Variants in AFG3L2 observed in about 807,000 individuals in gnomAD.
AFG3L2 encodes mitochondrial inner membrane m-AAA protease component AFG3L2.
A neutral mutation model predicts 94.5 loss-of-function variants in AFG3L2; 54 were observed. That is an observed-to-expected ratio of 0.57 (90% CI 0.46 to 0.72). The LOEUF (loss-of-function observed/expected upper bound fraction) is 0.72. AFG3L2 is among the 30% of genes least tolerant of loss of function. The probability of loss-of-function intolerance (pLI) is 0.00; values close to 1 mark genes in which losing one functional copy is unlikely to be tolerated. For missense variants in AFG3L2, 754 were observed against 994.9 expected, an observed-to-expected ratio of 0.76 and a Z score of 3.26; for synonymous variants, 377 against 365.5, an observed-to-expected ratio of 1.03 and a Z score of -0.36.
intron 6 of AFG3L2, 166 bp from the exon 7 acceptor site, chr18:12,360,217 T>C (rs1908617645): frequency 1.5e-6 from 1 of 679,716 alleles, no homozygotes; most frequent in Non-Finnish European, 2.4e-6. Context: ...TGATTAAATG[T>C]CACTCATTGA....
intron 6 of AFG3L2, among the ~76,000 whole-genome samples, chr18:12,361,107 T>C (rs1298507405): frequency 6.6e-6 from 1 of 152,194 alleles, no homozygotes; most frequent in South Asian, 2.1e-4. Context: ...CTGGGCACAG[T>C]GGCCAGTAAT....
At chr18:12,371,185 G>A (rs1043993220) in intron 2 of AFG3L2, among the ~76,000 whole-genome samples, 21 of 151,964 alleles carry the variant, frequency 1.4e-4, no homozygotes, top group Non-Finnish European at 2.5e-4. Flanking sequence ...GTGGTGGCAG[G>A]TGCCTGTAAT....
intron 6 of AFG3L2, among the ~76,000 whole-genome samples, chr18:12,363,230 C>T (rs989241177): frequency 1.3e-5 from 2 of 152,120 alleles, no homozygotes; most frequent in Non-Finnish European, 2.9e-5. Context: ...CACCTCTCTC[C>T]CCTCCCCTCC....
At chr18:12,372,329 T>C (rs1229443339) in intron 1 of AFG3L2, among the ~76,000 whole-genome samples, 1 of 152,094 alleles carries the variant, frequency 6.6e-6, no homozygotes. Context: ...AAATAATAGT[T>C]ATAAAAATTA....
chr18:12,375,170 C>T (rs1037756158), intron 1 of AFG3L2, among the ~76,000 whole-genome samples: 8 of 151,254 alleles, frequency 5.3e-5, no homozygotes, highest in African/African-American at 9.7e-5. Context: ...GTGACCATGG[C>T]GAAGAAATTG....
intron 13 of AFG3L2, among the ~76,000 whole-genome samples, chr18:12,344,917 C>T (rs776344800): frequency 2.9e-4 from 44 of 152,272 alleles, no homozygotes; most frequent in Non-Finnish European, 5.4e-4. Flanking sequence ...TTTTAAAACA[C>T]GCAAAATTAC....
chr18:12,377,218 C>G lies in AFG3L2; in HGVS notation c.-136G>C, dbSNP rs1428976226. On this transcript the variant is annotated 5_prime_UTR_variant, in exon 1 of 17. Coordinates refer to ENST00000269143, the MANE Select transcript of AFG3L2 (RefSeq NM_006796.3). ...GCGCGCCGGCGGCTCACGGAGGAGC[C>G]CAAGCTCTCAACGCGGCGTCTCCTG... 1.4e-6 allele frequency: 1 copy of G among 694,920 alleles called. No homozygotes were observed. Among genetic ancestry groups the G allele is most frequent in the East Asian group, 4.2e-5 (1 of 23,638 alleles). 43.0% of individuals were successfully genotyped at this position (694,920 alleles called of 1,614,324 possible).
intron 16 of AFG3L2, among the ~76,000 whole-genome samples, chr18:12,333,791 AC>A (rs1290000663): frequency 6.6e-6 from 1 of 152,176 alleles, no homozygotes; most frequent in Admixed American, 6.5e-5. Context: ...CACAGCGGCC[AC>A]CAAGTGCTCG....
At chr18:12,373,352 G>A (rs1040639383) in intron 1 of AFG3L2, among the ~76,000 whole-genome samples, 4 of 152,208 alleles carry the variant, frequency 2.6e-5, no homozygotes. Context: ...TCCAGGCCAG[G>A]TGCTGTCAAG....
chr18:12,344,060 G>T, intron 14 of AFG3L2, 72 bp downstream of exon 14: 2 of 1,318,496 alleles, frequency 1.5e-6, no homozygotes, highest in Non-Finnish European at 2.2e-6. Flanking sequence ...AGTGTAGCTT[G>T]CTTCTTGAGT....
intron 3 of AFG3L2, among the ~76,000 whole-genome samples, chr18:12,368,972 G>A (rs1472812209): frequency 6.6e-6 from 1 of 152,042 alleles, no homozygotes; most frequent in African/African-American, 2.4e-5. Flanking sequence ...GAGGCTACAG[G>A]CACCCGGTCA....
At chr18:12,372,762 A>T (rs181301940) in intron 1 of AFG3L2, among the ~76,000 whole-genome samples, 6 of 152,394 alleles carry the variant, frequency 3.9e-5, no homozygotes, top group Admixed American at 1.3e-4. Context: ...CATCATATTA[A>T]GTGAAAGAAG....
chr18:12,354,140 C>G lies in AFG3L2; in HGVS notation c.1165-982G>C, dbSNP rs995078533. Among the ~76,000 whole-genome samples the G allele has an allele frequency of 1.8e-3, 244 of 136,708 alleles. 8 individuals carry two copies. Among genetic ancestry groups the G allele is most frequent in the Middle Eastern group, 7.2e-3 (2 of 276 alleles). The allele number at this position is 136,708 out of a possible 152,430, so 89.7% of individuals were successfully genotyped here. On this transcript the variant is annotated intron_variant, in intron 9 of 16. Coordinates refer to ENST00000269143, the MANE Select transcript of AFG3L2 (RefSeq NM_006796.3). ...TCCACCTGCCCACTCCCACCCCCCC[C>G]CCCCCACTTCACTGGACAGAAGTCC...
intron 6 of AFG3L2, among the ~76,000 whole-genome samples, chr18:12,361,688 G>C (rs1449419759): frequency 6.6e-6 from 1 of 152,134 alleles, no homozygotes; most frequent in Non-Finnish European, 1.5e-5. Flanking sequence ...AGAGCAACAA[G>C]TCATCGCATA....
chr18:12,342,686 T>C (rs1907992271), intron 14 of AFG3L2: 2 of 152,218 alleles, frequency 1.3e-5, no homozygotes, highest in African/African-American at 4.8e-5. Flanking sequence ...TTATGACCTG[T>C]TTCAAATAAT....
At chr18:12,335,323 C>G (rs1397696386) in intron 16 of AFG3L2, among the ~76,000 whole-genome samples, 4 of 152,166 alleles carry the variant, frequency 2.6e-5, no homozygotes, top group African/African-American at 9.7e-5. Flanking sequence ...ATTTACTGAA[C>G]AAGAGATGCA....
intron 13 of AFG3L2, 57 bp from the exon 14 acceptor site, chr18:12,344,304 A>AAGACAGTTAT (rs1443277947): frequency 1.5e-4 from 212 of 1,400,440 alleles, no homozygotes; most frequent in Non-Finnish European, 2.0e-4. Context: ...CTGACATTAA[A>AAGACAGTTAT]AGACAGTTAT....
intron 1 of AFG3L2, among the ~76,000 whole-genome samples, chr18:12,376,231 C>G (rs1339210228): frequency 6.6e-6 from 1 of 152,204 alleles, no homozygotes; most frequent in Non-Finnish European, 1.5e-5. Flanking sequence ...AACCACCACC[C>G]GTACACCAGT....
chr18:12,352,422 A>G (rs1281190793), intron 10 of AFG3L2, among the ~76,000 whole-genome samples: 1 of 152,230 alleles, frequency 6.6e-6, no homozygotes, highest in Non-Finnish European at 1.5e-5. Context: ...CAGCAGGAAG[A>G]ACACATGACA....
Sources: allele counts gnomAD v4.1 joint callset (sites outside exome capture counted in the v4.1 genomes callset), GRCh38; gene constraint gnomAD v4.1.1; transcripts MANE v1.5; gene names NCBI Gene and HGNC (gene_info 2026-07-23, HGNC 2026-07-21).